TEAD3: variants seen among roughly 807,000 people sequenced by gnomAD.
The protein encoded by TEAD3 is transcriptional enhancer factor TEF-5.
In TEAD3, 15 loss-of-function variants were observed where a neutral mutation model predicts 55.6. The ratio of observed to expected loss-of-function variants is 0.27; its 90% confidence interval spans 0.18 to 0.42. The LOEUF is 0.42. TEAD3 is among the 10% of genes least tolerant of loss of function. The probability of loss-of-function intolerance (pLI) is 1.00; values close to 1 mark genes in which losing one functional copy is unlikely to be tolerated. For missense variants in TEAD3, 407 were observed against 576.8 expected (o/e 0.71, Z 3.01); for synonymous variants, 210 against 232.2 (o/e 0.90, Z 0.87).
Position 35,486,678 on chromosome 6 carries a change from G to T in TEAD3, c.-16C>A. The T allele has an allele frequency of 6.2e-7, 1 of 1,609,702 alleles. No individual in the cohort carries two copies. The highest frequency in any genetic ancestry group is 8.5e-7 in the Non-Finnish European group (1 of 1,178,576). On this transcript the variant is annotated 5_prime_UTR_variant, in exon 2 of 13. Coordinates refer to ENST00000639578, the Ensembl canonical transcript of TEAD3. The surrounding 1 kb of genome is among the most constrained non-coding windows in gnomAD (Gnocchi z 7.3). Reference sequence around the variant, plus strand: ...TGGACGCTATTGTGCTGGTTGCTCTGGGCTCTGGGCCTGAGCCCACTGGGC... The same window carrying T: ...TGGACGCTATTGTGCTGGTTGCTCTTGGCTCTGGGCCTGAGCCCACTGGGC...
In TEAD3 at chr6:35,475,694, T is replaced by C; in HGVS notation, c.913A>G (p.Ser305Gly). ...GCTCCCGGGCCCTCCTGGATGGTGCTGTTGAGGTCGGCCTGGGCATGGGGG... is the reference window on the plus strand; with the variant it reads ...GCTCCCGGGCCCTCCTGGATGGTGCCGTTGAGGTCGGCCTGGGCATGGGGG... Residue 305 changes from serine (S) to glycine (G), a missense_variant, in exon 11 of 13, where the codon AGC becomes GGC. Physicochemically the swap from Ser to Gly is moderately conservative, Grantham distance 56. Transcript: ENST00000639578. This position sits in a 1 kb window ranked among gnomAD's most constrained non-coding sequence, Gnocchi z 5.4. 6.2e-7 allele frequency: 1 copy of C among 1,600,446 alleles called. No individual in the cohort carries two copies. The highest frequency in any genetic ancestry group is 8.5e-7 in the Non-Finnish European group (1 of 1,172,570).
Position 35,486,504 on chromosome 6 carries a change from G to A in TEAD3, c.159C>T (p.Cys53=), listed in dbSNP as rs376486327. 3,602 of 1,613,470 alleles carry A rather than the reference G, an allele frequency of 2.2e-3. 59 individuals carry two copies. In the South Asian group the frequency reaches 0.027, roughly 12 times the overall value. ...CTGACAGGATGATCTTCCGCCGGCC[G>A]CAGGGCGGGTAGATGGCCAGGGCCT... Residue 53 remains cysteine (C), a synonymous_variant, in exon 2 of 13, where the codon TGC becomes TGT. Coordinates refer to ENST00000639578, the Ensembl canonical transcript of TEAD3. This position sits in a 1 kb window ranked among gnomAD's most constrained non-coding sequence, Gnocchi z 7.3.
exon 7 of TEAD3, chr6:35,478,282 A>G: frequency 6.2e-7 from 1 of 1,613,624 alleles, no homozygotes; most frequent in Non-Finnish European, 8.5e-7. Context: ...CACTCCTGAG[A>G]GGGTCCAGGC....
chr6:35,475,544 G>C lies in TEAD3; in HGVS notation c.1041+22C>G. On this transcript the variant is annotated intron_variant, in intron 11 of 12. Coordinates refer to ENST00000639578, the Ensembl canonical transcript of TEAD3. This position sits in a 1 kb window ranked among gnomAD's most constrained non-coding sequence, Gnocchi z 5.4. ...GCCTGCCTGCTCCCAGCCCCACCAA[G>C]CCACCCAGAGCCCCCACTCACCTCC... is the stretch of plus-strand genomic sequence containing the variant. 1 of 1,604,028 alleles carries C rather than the reference G, an allele frequency of 6.2e-7. No individual in the cohort carries two copies. Among genetic ancestry groups the C allele is most frequent in the East Asian group, 2.2e-5 (1 of 44,728 alleles).
exon 10 of TEAD3, chr6:35,476,033 G>T: frequency 6.4e-7 from 1 of 1,557,038 alleles, no homozygotes; most frequent in Non-Finnish European, 8.7e-7. Context: ...CTGCCTCCAG[G>T]GGTGGGTCTG....
chr6:35,485,153 T>C lies in TEAD3; in HGVS notation c.203-529A>G, dbSNP rs1768348614. On this transcript the variant is annotated intron_variant, in intron 2 of 12. Transcript: ENST00000639578. This position sits in a 1 kb window ranked among gnomAD's most constrained non-coding sequence, Gnocchi z 4.3. The stretch of plus-strand genomic sequence containing the variant: ...TGGTCAAGTCCCTTCCCTTCTCTGG[T>C]AAAAGACCAGGAAGGACAGGAAGGC... Among the ~76,000 whole-genome samples, 1 of 152,094 alleles carries C rather than the reference T, an allele frequency of 6.6e-6. No individual in the cohort carries two copies. The highest frequency in any genetic ancestry group is 6.5e-5 in the Admixed American group (1 of 15,276).
At position 35,486,445 on chromosome 6, in the gene TEAD3, G is replaced by A. The variant is rs781213428; in HGVS notation, c.202+16C>T. ...GGGGAAGGGCCGCAGTCCCGCCCGC[G>A]CCCCCCGGCACGCACCGTACATCTT... On this transcript the variant is annotated intron_variant, in intron 2 of 12. Coordinates refer to ENST00000639578, the Ensembl canonical transcript of TEAD3. The surrounding 1 kb of genome is among the most constrained non-coding windows in gnomAD (Gnocchi z 7.3). 10 of 1,602,652 alleles carry A rather than the reference G, an allele frequency of 6.2e-6. No homozygotes were observed. The highest frequency in any genetic ancestry group is 4.5e-5 in the East Asian group (2 of 44,630).
At chr6:35,480,200 A>G in intron 3 of TEAD3, 112 bp downstream of exon 4, 1 of 1,553,548 alleles carries the variant, frequency 6.4e-7, no homozygotes, top group Non-Finnish European at 8.7e-7. Context: ...GCCAGAAAAG[A>G]GGCACAGTGG....
chr6:35,474,065 G>A (rs940802349), downstream of TEAD3: 1 of 152,216 alleles, frequency 6.6e-6, no homozygotes, highest in Non-Finnish European at 1.5e-5. Context: ...GGGTTTGTCA[G>A]ATTCAAGCCT....
rs113402119 is a variant in TEAD3, at chr6:35,483,085, T to C, written c.267+1475A>G. Reference sequence around the variant, plus strand: ...ACCCAAGGGCTCCAGGGGACAGGGCTCTGGCGCACGCCTCCATGTGGTATC... The same window carrying C: ...ACCCAAGGGCTCCAGGGGACAGGGCCCTGGCGCACGCCTCCATGTGGTATC... On this transcript the variant is annotated intron_variant, in intron 3 of 12. Coordinates refer to ENST00000639578, the Ensembl canonical transcript of TEAD3. The surrounding 1 kb of genome is among the most constrained non-coding windows in gnomAD (Gnocchi z 4.5). Among the ~76,000 whole-genome samples the C allele has an allele frequency of 0.014, 2,153 of 152,308 alleles. 58 individuals carry two copies. Among genetic ancestry groups the C allele is most frequent in the African/African-American group, 0.046 (1,906 of 41,548 alleles).
intron 3 of TEAD3, among the ~76,000 whole-genome samples, chr6:35,482,808 G>A (rs982208201): frequency 1.2e-4 from 19 of 152,096 alleles, no homozygotes; most frequent in Admixed American, 3.3e-4. Context: ...CCCTTGGCCC[G>A]TTCCCACTCT....
At position 35,485,789 on chromosome 6, in the gene TEAD3, G is replaced by T. The variant is rs776972159; in HGVS notation, c.202+672C>A. Among the ~76,000 whole-genome samples, 52 of 152,146 alleles carry T rather than the reference G, an allele frequency of 3.4e-4. No individual in the cohort carries two copies. Among genetic ancestry groups the T allele is most frequent in the Non-Finnish European group, 6.8e-4 (46 of 68,020 alleles). ...CCACAGGCGCGCCCTGGGAAGGGCT[G>T]GGCCTGCCTCGCTCAGCCACGGGCT... is the stretch of plus-strand genomic sequence containing the variant. On this transcript the variant is annotated intron_variant, in intron 2 of 12. Transcript: ENST00000639578. The surrounding 1 kb of genome is among the most constrained non-coding windows in gnomAD (Gnocchi z 4.3).
intron 8 of TEAD3, among the ~76,000 whole-genome samples, chr6:35,476,899 T>C (rs1457512808): frequency 6.6e-6 from 1 of 152,240 alleles, no homozygotes; most frequent in Non-Finnish European, 1.5e-5. Context: ...CTTGGCTCAC[T>C]GCAACCTCCA....
chr6:35,480,072 CTG>C lies in TEAD3; in HGVS notation c.316_317del (p.Gln106ValfsTer2), dbSNP rs1417837602. The C allele has an allele frequency of 6.5e-7, 1 of 1,527,862 alleles. No homozygotes were observed. Among genetic ancestry groups the C allele is most frequent in the African/African-American group, 1.4e-5 (1 of 72,756 alleles). The allele number at this position is 1,527,862 out of a possible 1,614,324, so 94.6% of individuals were successfully genotyped here. ...AGGGGCCCCGTACCTTCAGCTTAGACTGAATCTCCCGAGATTTCCGCCTGGCT... is the reference window on the plus strand; with the variant it reads ...AGGGGCCCCGTACCTTCAGCTTAGACAATCTCCCGAGATTTCCGCCTGGCT... On this transcript the variant is annotated frameshift_variant, in exon 4 of 13. Coordinates refer to ENST00000639578, the Ensembl canonical transcript of TEAD3. LOFTEE classifies it high-confidence loss of function.
intron 5 of TEAD3, among the ~76,000 whole-genome samples, chr6:35,478,849 T>C (rs1768207622): frequency 6.6e-6 from 1 of 151,996 alleles, no homozygotes; most frequent in Non-Finnish European, 1.5e-5. Context: ...TATTTCCTCT[T>C]ACTGTATGTC....
chr6:35,478,779 A>G (rs1768206265), intron 5 of TEAD3, among the ~76,000 whole-genome samples: 1 of 151,828 alleles, frequency 6.6e-6, no homozygotes, highest in Non-Finnish European at 1.5e-5. Context: ...AGTGCCCATC[A>G]CCGCTGACCA....
chr6:35,475,316 G>A lies in TEAD3; in HGVS notation c.1194+20C>T, dbSNP rs755200676. The A allele has an allele frequency of 3.1e-6, 5 of 1,610,730 alleles. No individual in the cohort carries two copies. The highest frequency in any genetic ancestry group is 1.1e-5 in the South Asian group (1 of 90,756). On this transcript the variant is annotated intron_variant, in intron 12 of 12. Transcript: ENST00000639578. The surrounding 1 kb of genome is among the most constrained non-coding windows in gnomAD (Gnocchi z 5.4). ...GGCCCTGGCCTGTGGGACTCCCCAC[G>A]ACCCCTGCTGCCCCCATACCTGCAG...
Position 35,475,528 on chromosome 6 carries a change from C to A in TEAD3, c.1041+38G>T. The A allele has an allele frequency of 6.2e-7, 1 of 1,604,194 alleles. No homozygotes were observed. The highest frequency in any genetic ancestry group is 1.1e-5 in the South Asian group (1 of 90,048). ...GAGAAGGCGTCACTCGGCCTGCCTG[C>A]TCCCAGCCCCACCAAGCCACCCAGA... On this transcript the variant is annotated intron_variant, in intron 11 of 12. Coordinates refer to ENST00000639578, the Ensembl canonical transcript of TEAD3. This position sits in a 1 kb window ranked among gnomAD's most constrained non-coding sequence, Gnocchi z 5.4.
Position 35,475,162 on chromosome 6 carries a change from G to C in TEAD3, c.1195-5C>G, listed in dbSNP as rs770710659. Reference sequence around the variant, plus strand: ...GGAGTCCCGGCTCGTGACCACCTGGGGGGTGAGCAGGTAAGAGATTCAGGA... The same window carrying C: ...GGAGTCCCGGCTCGTGACCACCTGGCGGGTGAGCAGGTAAGAGATTCAGGA... On this transcript the variant is annotated splice_region_variant and splice_polypyrimidine_tract_variant and intron_variant, in intron 12 of 12. Transcript: ENST00000639578. This position sits in a 1 kb window ranked among gnomAD's most constrained non-coding sequence, Gnocchi z 5.4. 12 of 1,574,082 alleles carry C rather than the reference G, an allele frequency of 7.6e-6. No individual in the cohort carries two copies. The highest frequency in any genetic ancestry group is 1.0e-5 in the Non-Finnish European group (12 of 1,159,374).
Sources: gnomAD v4.1 joint callset for allele counts (sites outside exome capture counted in the v4.1 genomes callset) on GRCh38, gnomAD v4.1.1 for gene constraint, Gnocchi (gnomAD v3.1) non-coding constraint, MANE v1.5 for transcripts, NCBI Gene and HGNC (gene_info 2026-07-23, HGNC 2026-07-21) for gene names.